FMNL2: variants seen among roughly 807,000 people sequenced by gnomAD.
FMNL2 encodes the protein formin-like protein 2.
In FMNL2, 51 loss-of-function variants were observed where a neutral mutation model predicts 130.2. That is an observed-to-expected ratio of 0.39 (90% CI 0.31 to 0.49). The LOEUF (loss-of-function observed/expected upper bound fraction) is 0.49, where lower values mean the gene tolerates loss of function less well. FMNL2 is among the 20% of genes least tolerant of loss of function. The probability of loss-of-function intolerance (pLI) is 0.85; values close to 1 mark genes in which losing one functional copy is unlikely to be tolerated. For synonymous variants in FMNL2, 465 were observed against 467.1 expected, an observed-to-expected ratio of 1.00 and a Z score of 0.06; for missense variants, 977 against 1,316.2, an observed-to-expected ratio of 0.74 and a Z score of 3.99.
In FMNL2 at chr2:152,549,006, G is replaced by A; in HGVS notation, c.283-15G>A. 6.3e-7 allele frequency: 1 copy of A among 1,592,954 alleles called. No homozygotes were observed. The highest frequency in any genetic ancestry group is 8.5e-7 in the Non-Finnish European group (1 of 1,170,900). ...GCTAAAATATTTTGTGAGAATATGT[G>A]TTCTTGAATTATAGAAATTCAGACG... On this transcript the variant is annotated splice_polypyrimidine_tract_variant and intron_variant, in intron 3 of 25. Coordinates refer to ENST00000288670, the MANE Select transcript of FMNL2 (RefSeq NM_052905.4).
At chr2:152,425,200 G>A (rs4664583) in intron 1 of FMNL2, among the ~76,000 whole-genome samples, 81,107 of 152,006 alleles carry the variant, frequency 0.53, 23,705 homozygotes, top group South Asian at 0.69. Context: ...TGGTGCTTTC[G>A]CATCCTGAAA....
intron 1 of FMNL2, among the ~76,000 whole-genome samples, chr2:152,437,908 G>T (rs1687848733): frequency 6.6e-6 from 1 of 152,228 alleles, no homozygotes; most frequent in South Asian, 2.1e-4. Flanking sequence ...CACATCTGTT[G>T]TAAAAGGCAT....
intron 9 of FMNL2, among the ~76,000 whole-genome samples, chr2:152,590,001 A>ATGTATATGTATGTATATG (rs66992347): frequency 2.6e-5 from 2 of 75,926 alleles, no homozygotes; most frequent in African/African-American, 4.4e-5. Context: ...GTATATGTAT[A>ATGTATATGTATGTATATG]TATATATACA....
chr2:152,475,701 G>A (rs1376517902), intron 1 of FMNL2, among the ~76,000 whole-genome samples: 3 of 152,108 alleles, frequency 2.0e-5, no homozygotes, highest in African/African-American at 7.2e-5. Flanking sequence ...GTTTTGCCAT[G>A]TTGGCCAGGC....
chr2:152,383,573 C>A (rs1484676806), intron 1 of FMNL2, among the ~76,000 whole-genome samples: 18 of 151,560 alleles, frequency 1.2e-4, no homozygotes, highest in Admixed American at 8.5e-4. Context: ...TGTTTCAAAT[C>A]AAAAAACCAA....
chr2:152,399,424 G>A (rs981248813), intron 1 of FMNL2, among the ~76,000 whole-genome samples: 5 of 152,198 alleles, frequency 3.3e-5, no homozygotes, highest in Non-Finnish European at 5.9e-5. Context: ...CTGGACGTGG[G>A]TGAGGAGCAG....
At position 152,640,071 on chromosome 2, in the gene FMNL2, A is replaced by T; in HGVS notation, c.3045+15A>T. On this transcript the variant is annotated intron_variant, in intron 24 of 25. Coordinates refer to ENST00000288670, the MANE Select transcript of FMNL2 (RefSeq NM_052905.4). ...AGGATCCAAAGGTAAGAAGTGCCGC[A>T]CTCATGAGACAGGTCCGTGAGGAGA... The T allele has an allele frequency of 6.5e-7, 1 of 1,539,274 alleles. No homozygotes were observed. The highest frequency in any genetic ancestry group is 8.7e-7 in the Non-Finnish European group (1 of 1,142,980).
At chr2:152,491,930 G>A (rs746743745) in intron 1 of FMNL2, among the ~76,000 whole-genome samples, 6 of 152,112 alleles carry the variant, frequency 3.9e-5, no homozygotes, top group South Asian at 2.1e-4. Flanking sequence ...CAGCCTGGGC[G>A]ACAGAGTGAG....
intron 1 of FMNL2, among the ~76,000 whole-genome samples, chr2:152,427,524 G>A (rs1026034838): frequency 1.3e-5 from 2 of 152,146 alleles, no homozygotes; most frequent in Admixed American, 1.3e-4. Context: ...CAGCCTAGGC[G>A]ATAGAGTGAG....
At chr2:152,422,127 GA>G (rs1196322451) in intron 1 of FMNL2, among the ~76,000 whole-genome samples, 6 of 152,214 alleles carry the variant, frequency 3.9e-5, no homozygotes, top group Non-Finnish European at 8.8e-5. Flanking sequence ...ATGTTTAGGG[GA>G]ATAGGCTTAA....
intron 1 of FMNL2, among the ~76,000 whole-genome samples, chr2:152,459,591 A>G (rs1003326882): frequency 2.6e-5 from 4 of 152,204 alleles, no homozygotes; most frequent in Non-Finnish European, 5.9e-5. Context: ...ATAGACGTTG[A>G]AAGGGAAGAC....
At chr2:152,589,126 A>AG (rs1240157729) in intron 9 of FMNL2, among the ~76,000 whole-genome samples, 1 of 151,400 alleles carries the variant, frequency 6.6e-6, no homozygotes, top group Admixed American at 6.6e-5. Flanking sequence ...AAAAAGAGGA[A>AG]GTACAGCAGG....
At chr2:152,405,717 TAG>T (rs1287597819) in intron 1 of FMNL2, among the ~76,000 whole-genome samples, 7 of 152,214 alleles carry the variant, frequency 4.6e-5, no homozygotes, top group Non-Finnish European at 1.0e-4. Context: ...ACTTGAGATC[TAG>T]AAACTGGTCA....
chr2:152,524,945 C>T (rs1185896757), intron 2 of FMNL2, among the ~76,000 whole-genome samples: 5 of 152,138 alleles, frequency 3.3e-5, no homozygotes, highest in Non-Finnish European at 7.3e-5. Flanking sequence ...AAAAAGTTAA[C>T]ACATGCTTGT....
chr2:152,335,452 G>A lies in FMNL2; in HGVS notation c.-152G>A, dbSNP rs1381640450. On this transcript the variant is annotated 5_prime_UTR_variant, in exon 1 of 26. Transcript: ENST00000288670. ...TCGGCTTGGAGCGCTGCTAGGGAGCGGTGCGCGCCGCACACCCGCCTGGGC... is the reference window on the plus strand; with the variant it reads ...TCGGCTTGGAGCGCTGCTAGGGAGCAGTGCGCGCCGCACACCCGCCTGGGC... 1 of 407,562 alleles carries A rather than the reference G, an allele frequency of 2.5e-6. No individual in the cohort carries two copies. Among genetic ancestry groups the A allele is most frequent in the African/African-American group, 2.2e-5 (1 of 46,510 alleles). 25.2% of individuals were successfully genotyped at this position (407,562 alleles called of 1,614,324 possible).
intron 1 of FMNL2, among the ~76,000 whole-genome samples, chr2:152,432,548 C>G (rs957035814): frequency 6.6e-6 from 1 of 152,208 alleles, no homozygotes; most frequent in Admixed American, 6.5e-5. Context: ...GATGCATCAG[C>G]AGATGGCCGT....
At chr2:152,539,566 A>G (rs1694188887) in intron 2 of FMNL2, 1 of 152,234 alleles carries the variant, frequency 6.6e-6, no homozygotes, top group Non-Finnish European at 1.5e-5. Flanking sequence ...CTCTTTCTTA[A>G]TACATCAGTA....
intron 6 of FMNL2, among the ~76,000 whole-genome samples, chr2:152,562,674 GTGCAACCTGCTAATC>G (rs1171790773): frequency 1.3e-5 from 2 of 152,188 alleles, no homozygotes; most frequent in Non-Finnish European, 2.9e-5. Context: ...GCCAAAGGTT[GTGCAACCTGCTAATC>G]TGCATCAGCT....
intron 20 of FMNL2, among the ~76,000 whole-genome samples, chr2:152,630,262 A>C (rs1682070500): frequency 6.6e-6 from 1 of 152,230 alleles, no homozygotes; most frequent in African/African-American, 2.4e-5. Flanking sequence ...CATACTGATG[A>C]AGAGTGTCCC....
Sources: allele counts gnomAD v4.1 joint callset (sites outside exome capture counted in the v4.1 genomes callset), GRCh38; gene constraint gnomAD v4.1.1; transcripts MANE v1.5; gene names NCBI Gene and HGNC (gene_info 2026-07-23, HGNC 2026-07-21).